Variants in DNAH17 observed in about 807,000 individuals in gnomAD.
DNAH17 encodes axonemal beta dynein heavy chain 17.
DNAH17 carries 376 observed loss-of-function variants against 485.6 expected under a neutral mutation model. That is an observed-to-expected ratio of 0.77 (90% CI 0.71 to 0.84). The LOEUF is 0.84. Ranked by LOEUF, DNAH17 falls within the 40% of genes least tolerant of loss-of-function variation. DNAH17 has a pLI of 0.00. For missense variants in DNAH17, 6,370 were observed against 5,839.3 expected (o/e 1.09, Z -2.96); for synonymous variants, 3,031 against 2,405.9 (o/e 1.26, Z -7.60).
chr17:78,458,398 T>C (rs868564448), intron 62 of DNAH17, 167 bp downstream of exon 62: 5 of 627,678 alleles, frequency 8.0e-6, no homozygotes, highest in African/African-American at 1.8e-5. Flanking sequence ...CCACTGACTA[T>C]GCAAGAGGCC....
intron 14 of DNAH17, among the ~76,000 whole-genome samples, chr17:78,553,288 T>G (rs1270415261): frequency 0.011 from 312 of 29,122 alleles, 8 homozygotes; most frequent in East Asian, 0.021. Flanking sequence ...TTTGTGTTTT[T>G]TTTTTTTTTT....
In DNAH17 at chr17:78,439,130, A is replaced by G; in HGVS notation, c.11765T>C (p.Leu3922Pro). 6.2e-7 allele frequency: 1 copy of G among 1,613,638 alleles called. No individual in the cohort carries two copies. The highest frequency in any genetic ancestry group is 8.5e-7 in the Non-Finnish European group (1 of 1,179,802). ...GTGTCCTTTCTCTGCAGCCACGTCC[A>G]GGGCGTTCTCAGCCACCACCTCTTG... is the stretch of plus-strand genomic sequence containing the variant. ...QGQEVVAENA[L>P]DVAAEKGHWV... Residue 3922 changes from leucine to proline, a missense_variant, in exon 73 of 81, where the codon CTG (leucine) becomes CCG (proline). Physicochemically the swap from Leu to Pro is moderately conservative, Grantham distance 98. Transcript: ENST00000389840.
chr17:78,475,588 C>T, intron 53 of DNAH17, 81 bp downstream of exon 53: 1 of 1,601,132 alleles, frequency 6.2e-7, no homozygotes, highest in Non-Finnish European at 8.5e-7. Flanking sequence ...CACACAATGC[C>T]ACTCGGATGT....
At chr17:78,566,539 A>G (rs908426364) in intron 11 of DNAH17, 75 bp downstream of exon 11, 4 of 1,114,836 alleles carry the variant, frequency 3.6e-6, no homozygotes, top group East Asian at 2.6e-5. Context: ...AATGGTCTCC[A>G]AGATCGTTCT....
At chr17:78,478,648 C>A (rs2089206755) in intron 51 of DNAH17, among the ~76,000 whole-genome samples, 1 of 150,080 alleles carries the variant, frequency 6.7e-6, no homozygotes, top group Non-Finnish European at 1.5e-5. Context: ...TCACCATTAC[C>A]ATCACCACCA....
chr17:78,548,948 C>A (rs1289494493), intron 16 of DNAH17, among the ~76,000 whole-genome samples: 1 of 152,242 alleles, frequency 6.6e-6, no homozygotes, highest in African/African-American at 2.4e-5. Context: ...AGCCTGGTCA[C>A]TGTGCAGCTG....
intron 11 of DNAH17, among the ~76,000 whole-genome samples, chr17:78,565,576 A>G (rs62075940): frequency 0.012 from 1,862 of 152,306 alleles, 16 homozygotes; most frequent in Middle Eastern, 0.031. Context: ...TGGTCCGGCT[A>G]AACTGTTCAG....
rs548159019 is a variant in DNAH17 at position 78,454,404 on chromosome 17, T to A, written c.10406+66A>T. ...GACCCACCCATCCATTGAACCAATA[T>A]GGAATGCCTAAGGCGTGCTTCCAAG... On this transcript the variant is annotated intron_variant, in intron 64 of 80. Coordinates refer to ENST00000389840, the MANE Select transcript of DNAH17 (RefSeq NM_173628.4). The A allele has an allele frequency of 3.5e-5, 46 of 1,318,118 alleles. No individual in the cohort carries two copies. In the African/African-American group the frequency reaches 5.0e-4, roughly 14 times the overall value. 81.7% of individuals were successfully genotyped at this position (1,318,118 alleles called of 1,614,324 possible).
rs2086468236 is a variant in DNAH17, at chr17:78,426,478, T to C, written c.12894A>G (p.Ala4298=). 1 of 1,609,966 alleles carries C rather than the reference T, an allele frequency of 6.2e-7. No homozygotes were observed. The highest frequency in any genetic ancestry group is 2.2e-5 in the East Asian group (1 of 44,822). The part of the protein sequence containing the change: ...PSMMGLAAWY[A]DLLLRIRELE... ...TTACCCTGATGCGGAGCAGCAGGTC[T>C]GCGTACCAGGCCGCCAGGCCCATCA... Residue 4298 remains alanine, a synonymous_variant, in exon 79 of 81, where the codon GCA becomes GCG. Coordinates refer to ENST00000389840, the MANE Select transcript of DNAH17 (RefSeq NM_173628.4).
intron 59 of DNAH17, 53 bp from the exon 60 acceptor site, chr17:78,460,054 T>TGATGCCCCGAAGAAGCCGCCATGA: frequency 6.2e-7 from 1 of 1,601,772 alleles, no homozygotes; most frequent in Non-Finnish European, 8.5e-7. Context: ...GGGTCCTCGG[T>TGATGCCCCGAAGAAGCCGCCATGA]GATGCCCCGA....
At chr17:78,433,373 C>T (rs898264240) in intron 75 of DNAH17, among the ~76,000 whole-genome samples, 6 of 152,212 alleles carry the variant, frequency 3.9e-5, no homozygotes, top group African/African-American at 7.2e-5. Flanking sequence ...GGGATTCATA[C>T]GCTACCATCT....
chr17:78,452,542 A>G (rs1015612621), intron 65 of DNAH17, among the ~76,000 whole-genome samples: 4 of 152,188 alleles, frequency 2.6e-5, no homozygotes, highest in African/African-American at 9.6e-5. Context: ...GTTCGAGATC[A>G]TCCTGGCCAA....
intron 74 of DNAH17, among the ~76,000 whole-genome samples, chr17:78,437,176 T>G (rs927872029): frequency 2.0e-5 from 3 of 152,124 alleles, no homozygotes; most frequent in African/African-American, 7.2e-5. Context: ...TGGTCACAGA[T>G]CCAGAGCCTC....
chr17:78,560,519 C>T (rs1164486025), intron 13 of DNAH17, among the ~76,000 whole-genome samples: 1 of 151,892 alleles, frequency 6.6e-6, no homozygotes, highest in African/African-American at 2.4e-5. Flanking sequence ...TTCTTGGGAT[C>T]ACAGGAACGC....
At chr17:78,444,398 G>T (rs1290216271) in intron 71 of DNAH17, among the ~76,000 whole-genome samples, 2 of 152,184 alleles carry the variant, frequency 1.3e-5, no homozygotes, top group African/African-American at 4.8e-5. Context: ...CGCAGCCTGG[G>T]GTGGAATCCT....
intron 74 of DNAH17, among the ~76,000 whole-genome samples, chr17:78,435,446 C>A (rs985159124): frequency 6.6e-5 from 10 of 152,096 alleles, no homozygotes; most frequent in East Asian, 5.8e-4. Flanking sequence ...GGTCTCCTTA[C>A]CCACAGGTCT....
chr17:78,510,192 A>C (rs1293447235), intron 27 of DNAH17, among the ~76,000 whole-genome samples, 192 bp downstream of exon 27: 1 of 152,018 alleles, frequency 6.6e-6, no homozygotes, highest in Non-Finnish European at 1.5e-5. Flanking sequence ...AAAAACAATA[A>C]AAAATAATAA....
intron 13 of DNAH17, among the ~76,000 whole-genome samples, chr17:78,558,562 A>C (rs1370547484): frequency 6.6e-6 from 1 of 152,204 alleles, no homozygotes; most frequent in Non-Finnish European, 1.5e-5. Flanking sequence ...TGTGTATGAC[A>C]TCATTGTCAT....
intron 69 of DNAH17, among the ~76,000 whole-genome samples, chr17:78,448,149 G>C (rs544434927): frequency 6.6e-6 from 1 of 151,532 alleles, no homozygotes; most frequent in Non-Finnish European, 1.5e-5. Flanking sequence ...CCCAGCCCGG[G>C]CAACAAGAGG....
Sources: gnomAD v4.1 joint callset for allele counts (sites outside exome capture counted in the v4.1 genomes callset) on GRCh38, gnomAD v4.1.1 for gene constraint, MANE v1.5 for transcripts, NCBI Gene and HGNC (gene_info 2026-07-23, HGNC 2026-07-21) for gene names.